SPAG16: variants seen among roughly 807,000 people sequenced by gnomAD.
The protein encoded by SPAG16 is sperm associated antigen 16, also known as sperm-associated antigen 16 protein.
SPAG16 carries 86 observed loss-of-function variants against 80.4 expected under a neutral mutation model. The ratio of observed to expected loss-of-function variants is 1.07; its 90% CI spans 0.90 to 1.28. The LOEUF is 1.28. Ranked by LOEUF, SPAG16 falls within the 50% of genes most tolerant of loss-of-function variation. The pLI is 0.00. For synonymous variants in SPAG16, 294 were observed against 265.9 expected (o/e 1.11, Z -1.03); for missense variants, 870 against 765.3 (o/e 1.14, Z -1.61).
At chr2:214,156,735 A>G (rs2056232282) in intron 15 of SPAG16, among the ~76,000 whole-genome samples, 1 of 152,174 alleles carries the variant, frequency 6.6e-6, no homozygotes, top group Non-Finnish European at 1.5e-5. Flanking sequence ...CCCAGGTTGC[A>G]GTCAACTATA....
chr2:214,049,086 C>G (rs750828523), intron 13 of SPAG16, among the ~76,000 whole-genome samples: 1 of 152,086 alleles, frequency 6.6e-6, no homozygotes, highest in Non-Finnish European at 1.5e-5. Context: ...CAGGCATGCA[C>G]CATCATGCCT....
chr2:214,296,636 A>T (rs1452903927), intron 15 of SPAG16, among the ~76,000 whole-genome samples: 2 of 152,152 alleles, frequency 1.3e-5, no homozygotes, highest in African/African-American at 4.8e-5. Flanking sequence ...TTCTCTGATG[A>T]TTAGTGATGT....
Position 213,364,539 on chromosome 2 carries a change from C to A in SPAG16, c.832+394C>A, listed in dbSNP as rs532482230. On this transcript the variant is annotated intron_variant, in intron 8 of 15. Transcript: ENST00000331683. Reference sequence around the variant, plus strand: ...CTCTGCCATCACCATGGCTTTGGGTCTGTGGAAAGTTCCAAACTGAGCTTT... The same window carrying A: ...CTCTGCCATCACCATGGCTTTGGGTATGTGGAAAGTTCCAAACTGAGCTTT... 58 of 154,666 alleles carry A rather than the reference C, an allele frequency of 3.8e-4. No homozygotes were observed. In the South Asian group the frequency reaches 0.011, roughly 29 times the overall value. 9.6% of individuals were successfully genotyped at this position (154,666 alleles called of 1,614,324 possible). A position where few individuals can be genotyped will look rare whatever the true frequency, so the allele number is the denominator to read the frequency against.
chr2:213,684,178 C>T (rs1035166947), intron 10 of SPAG16, among the ~76,000 whole-genome samples: 3 of 152,192 alleles, frequency 2.0e-5, no homozygotes, highest in Non-Finnish European at 4.4e-5. Flanking sequence ...GATTAATTAA[C>T]CCGAATTTGC....
At chr2:214,004,837 G>A (rs1489711397) in intron 12 of SPAG16, among the ~76,000 whole-genome samples, 1 of 152,112 alleles carries the variant, frequency 6.6e-6, no homozygotes, top group Non-Finnish European at 1.5e-5. Flanking sequence ...TAGTCAGGGA[G>A]TTCCGAGGAG....
At chr2:214,155,361 A>C (rs905520808) in intron 15 of SPAG16, among the ~76,000 whole-genome samples, 1 of 152,230 alleles carries the variant, frequency 6.6e-6, no homozygotes, top group African/African-American at 2.4e-5. Flanking sequence ...CCCATGGGCC[A>C]GCTTGGCCTC....
At chr2:213,300,377 G>A (rs72935168) in intron 3 of SPAG16, among the ~76,000 whole-genome samples, 2,158 of 152,264 alleles carry the variant, frequency 0.014, 31 homozygotes, top group Non-Finnish European at 0.023. Context: ...ACCCAAGCGA[G>A]AATGTTCTTT....
intron 12 of SPAG16, among the ~76,000 whole-genome samples, chr2:213,935,530 A>C (rs1035723037): frequency 1.3e-5 from 2 of 152,154 alleles, no homozygotes; most frequent in Non-Finnish European, 2.9e-5. Context: ...CTGCTTGCCA[A>C]TAGCAACATA....
At chr2:213,805,561 C>CTGTAGTGTTTTGTTT (rs1011861808) in intron 10 of SPAG16, among the ~76,000 whole-genome samples, 2 of 152,128 alleles carry the variant, frequency 1.3e-5, no homozygotes, top group Non-Finnish European at 2.9e-5. Flanking sequence ...GTTGTCGAAA[C>CTGTAGTGTTTTGTTT]TGTAGCAGAG....
In SPAG16 at chr2:213,930,087, G is replaced by A. The variant is rs557573825; in HGVS notation, c.1342G>A (p.Gly448Ser). 25 of 1,613,878 alleles carry A rather than the reference G, an allele frequency of 1.5e-5. No homozygotes were observed. In the East Asian group the frequency reaches 1.8e-4, roughly 12 times the overall value. The change falls in exon 12 of 16, where the codon GGC becomes AGC. Residue 448 changes from glycine to serine, a missense_variant. Transcript: ENST00000331683. ...GTGGTCCTGCACATGGCACTCCTGC[G>A]GCAATTTTGTGGCTTCCTCCTCACT... is the stretch of plus-strand genomic sequence containing the variant. ...AVWSCTWHSCGNFVASSSLDK... is the reference protein window; with the variant it reads ...AVWSCTWHSCSNFVASSSLDK...
intron 15 of SPAG16, among the ~76,000 whole-genome samples, chr2:214,156,128 A>G (rs1349673478): frequency 6.6e-6 from 1 of 152,214 alleles, no homozygotes; most frequent in Admixed American, 6.5e-5. Flanking sequence ...GAATCCTGTT[A>G]TTGACATTAG....
At chr2:213,582,531 A>G (rs1047231052) in intron 10 of SPAG16, among the ~76,000 whole-genome samples, 8 of 152,140 alleles carry the variant, frequency 5.3e-5, no homozygotes, top group African/African-American at 1.9e-4. Flanking sequence ...GGCAAGAACG[A>G]AGATAGAAAT....
chr2:213,578,624 C>G (rs1319548366), intron 10 of SPAG16, among the ~76,000 whole-genome samples: 2 of 151,972 alleles, frequency 1.3e-5, no homozygotes, highest in African/African-American at 4.8e-5. Flanking sequence ...TGAATGAAAT[C>G]AGAATGACTC....
At chr2:213,473,381 A>C (rs562653548) in intron 9 of SPAG16, among the ~76,000 whole-genome samples, 3 of 152,208 alleles carry the variant, frequency 2.0e-5, no homozygotes, top group Admixed American at 6.5e-5. Context: ...TAGATCTGAC[A>C]TACAGAGAAG....
At chr2:213,450,521 T>A (rs1277138704) in intron 9 of SPAG16, among the ~76,000 whole-genome samples, 1 of 152,214 alleles carries the variant, frequency 6.6e-6, no homozygotes, top group Admixed American at 6.5e-5. Flanking sequence ...ATTTGAGATA[T>A]TTCTGTGATT....
Position 214,149,246 on chromosome 2 carries a change from A to T in SPAG16, c.1700A>T (p.Glu567Val). 1 of 1,579,018 alleles carries T rather than the reference A, an allele frequency of 6.3e-7. No individual in the cohort carries two copies. The highest frequency in any genetic ancestry group is 8.6e-7 in the Non-Finnish European group (1 of 1,162,908). ...SIDIGPSPGN[E>V]VNFDSSGRVL... ...GATATAGGTCCAAGTCCTGGCAATGAGGTGAATTTTGATTCATCAGGTAGG... is the reference window on the plus strand; with the variant it reads ...GATATAGGTCCAAGTCCTGGCAATGTGGTGAATTTTGATTCATCAGGTAGG... The change falls in exon 15 of 16, where the codon GAG becomes GTG. Residue 567 changes from glutamate (E) to valine (V), a missense_variant. Glu to Val is a moderately radical substitution (Grantham distance 121, BLOSUM62 -2). Coordinates refer to ENST00000331683, the MANE Select transcript of SPAG16 (RefSeq NM_024532.5).
chr2:214,202,601 G>T (rs974467025), intron 15 of SPAG16, among the ~76,000 whole-genome samples: 1 of 152,168 alleles, frequency 6.6e-6, no homozygotes, highest in African/African-American at 2.4e-5. Context: ...AATCCATAGA[G>T]GTAGGGAGTA....
rs560486786 is a variant in SPAG16, at chr2:214,082,372, T to C, written c.1528-25824T>C. The stretch of plus-strand genomic sequence containing the variant: ...CCCAAAGACACAAGATCTTTTACCT[T>C]CTCCTCCACTTCTTACTGTCTCATG... On this transcript the variant is annotated intron_variant, in intron 13 of 15. Coordinates refer to ENST00000331683, the MANE Select transcript of SPAG16 (RefSeq NM_024532.5). Among the ~76,000 whole-genome samples, 26 of 152,278 alleles carry C rather than the reference T, an allele frequency of 1.7e-4. 1 individual carries two copies. The South Asian group carries it at 3.1e-3, about 18-fold the overall frequency.
chr2:214,341,909 T>A (rs896948125), intron 15 of SPAG16, among the ~76,000 whole-genome samples: 17 of 152,026 alleles, frequency 1.1e-4, no homozygotes, highest in Admixed American at 9.8e-4. Context: ...AGTTCCAAGG[T>A]CTAAGGGCTC....
Sources: allele counts gnomAD v4.1 joint callset (sites outside exome capture counted in the v4.1 genomes callset), GRCh38; gene constraint gnomAD v4.1.1; transcripts MANE v1.5; gene names NCBI Gene and HGNC (gene_info 2026-07-23, HGNC 2026-07-21).